The following SPATA17 variants were observed in gnomAD, a reference collection of about 807,000 sequenced individuals.
SPATA17 encodes spermatogenesis associated 17.
Under a neutral mutation model 62.2 loss-of-function variants are expected in SPATA17, and 53 were observed. The observed-to-expected ratio is 0.85, with a 90% CI of 0.68 to 1.07. SPATA17 has a LOEUF of 1.07. Ranked by LOEUF, SPATA17 falls within the 50% of genes least tolerant of loss-of-function variation. SPATA17 has a pLI of 0.00. For missense variants in SPATA17, 466 were observed against 425.5 expected (o/e 1.10, Z -0.84); for synonymous variants, 146 against 146.8 (o/e 0.99, Z 0.04).
chr1:217,869,685 A>G lies in SPATA17; in HGVS notation c.*2666A>G, dbSNP rs1398961690. The G allele has an allele frequency of 6.6e-6, 1 of 152,048 alleles. No individual in the cohort carries two copies. Among genetic ancestry groups the G allele is most frequent in the African/African-American group, 2.4e-5 (1 of 41,404 alleles). The allele number at this position is 152,048 out of a possible 1,614,324, so 9.4% of individuals were successfully genotyped here. ...TCTTAAGATCTCTATTTTAATGTTA[A>G]TGCTGGTCACTGGTGCCTGAATTCC... is the stretch of plus-strand genomic sequence containing the variant. On this transcript the variant is annotated 3_prime_UTR_variant, in exon 11 of 11. Transcript: ENST00000366933.
chr1:217,859,455 T>C (rs1044252629), intron 9 of SPATA17, among the ~76,000 whole-genome samples: 3 of 152,050 alleles, frequency 2.0e-5, no homozygotes, highest in Non-Finnish European at 4.4e-5. Flanking sequence ...TCATCCATCC[T>C]GGAGTGCAGT....
chr1:217,654,600 TTCC>T lies in SPATA17; in HGVS notation c.240+3425_240+3427del, dbSNP rs996847844. 1.5e-3 allele frequency among the ~76,000 whole-genome samples: 224 copies of T among 152,322 alleles called. 1 individual carries two copies. Among genetic ancestry groups the T allele is most frequent in the African/African-American group, 4.8e-3 (199 of 41,562 alleles). On this transcript the variant is annotated intron_variant, in intron 3 of 10. Transcript: ENST00000366933. ...CAAGTGAAAAAATTTGCATTATTATTTCCTCTTCTCTGTATACATTTTTCTCTA... is the reference window on the plus strand; with the variant it reads ...CAAGTGAAAAAATTTGCATTATTATTTCTTCTCTGTATACATTTTTCTCTA...
At position 217,866,303 on chromosome 1, in the gene SPATA17, T is replaced by C. The variant is rs558558045; in HGVS notation, c.*3-719T>C. Among the ~76,000 whole-genome samples the C allele has an allele frequency of 1.1e-4, 16 of 152,310 alleles. No homozygotes were observed. The East Asian group carries it at 1.9e-3, about 18-fold the overall frequency. On this transcript the variant is annotated intron_variant, in intron 10 of 10. Transcript: ENST00000366933. Reference sequence around the variant, plus strand: ...CTTCAGCATCCTTCTCTTGGTTAAATTGTCTTTGACTAAAAATATTATAAC... The same window carrying C: ...CTTCAGCATCCTTCTCTTGGTTAAACTGTCTTTGACTAAAAATATTATAAC...
chr1:217,845,223 A>G (rs1675496009), intron 9 of SPATA17, among the ~76,000 whole-genome samples: 1 of 152,042 alleles, frequency 6.6e-6, no homozygotes, highest in Non-Finnish European at 1.5e-5. Flanking sequence ...GTCTTTTAAC[A>G]TGTGGACCAA....
intron 5 of SPATA17, among the ~76,000 whole-genome samples, chr1:217,705,429 TC>T (rs1311287129): frequency 1.7e-5 from 2 of 118,670 alleles, no homozygotes; most frequent in Admixed American, 9.3e-5. Flanking sequence ...ATTCTAGTTG[TC>T]TTTTTTTTTT....
chr1:217,646,504 A>G (rs1670184132), intron 1 of SPATA17, among the ~76,000 whole-genome samples: 1 of 151,760 alleles, frequency 6.6e-6, no homozygotes, highest in Non-Finnish European at 1.5e-5. Context: ...GATTACATGA[A>G]TTTTTTTTGC....
rs1054886342 is a variant in SPATA17 at position 217,868,164 on chromosome 1, A to G, written c.*1145A>G. On this transcript the variant is annotated 3_prime_UTR_variant, in exon 11 of 11. Transcript: ENST00000366933. The stretch of plus-strand genomic sequence containing the variant: ...TCTTTTGAAACAATTGGAAGTTTGA[A>G]CACTGATTGGATATTGGTGGTATAA... The G allele has an allele frequency of 2.0e-5, 3 of 152,222 alleles. No homozygotes were observed. The highest frequency in any genetic ancestry group is 2.4e-5 in the African/African-American group (1 of 41,448). The allele number at this position is 152,222 out of a possible 1,614,324, so 9.4% of individuals were successfully genotyped here. A position where few individuals can be genotyped will look rare whatever the true frequency, so the allele number is the denominator to read the frequency against.
At chr1:217,696,191 C>T (rs897315532) in intron 5 of SPATA17, among the ~76,000 whole-genome samples, 1 of 152,226 alleles carries the variant, frequency 6.6e-6, no homozygotes, top group African/African-American at 2.4e-5. Flanking sequence ...GATATAGTCT[C>T]GTGGTGCACC....
chr1:217,636,081 C>T (rs995476111), intron 1 of SPATA17, among the ~76,000 whole-genome samples: 2 of 128,356 alleles, frequency 1.6e-5, no homozygotes, highest in Non-Finnish European at 3.1e-5. Flanking sequence ...TGCAGTGAGC[C>T]GAGATCGTGC....
chr1:217,708,364 G>T (rs1263941560), intron 5 of SPATA17, among the ~76,000 whole-genome samples: 1 of 151,938 alleles, frequency 6.6e-6, no homozygotes, highest in Non-Finnish European at 1.5e-5. Context: ...ATTACAAAGG[G>T]AATATTATGA....
chr1:217,810,710 G>A (rs554448219), intron 9 of SPATA17, among the ~76,000 whole-genome samples: 4 of 152,208 alleles, frequency 2.6e-5, no homozygotes, highest in South Asian at 4.2e-4. Context: ...CTGCATGGCC[G>A]GGGAAGCCTC....
intron 4 of SPATA17, among the ~76,000 whole-genome samples, chr1:217,680,401 A>G (rs893882461): frequency 1.6e-4 from 24 of 152,150 alleles, no homozygotes; most frequent in African/African-American, 5.8e-4. Context: ...ACATATTCCA[A>G]TTGATTCTTC....
chr1:217,834,946 T>C (rs1429696182), intron 9 of SPATA17, among the ~76,000 whole-genome samples: 2 of 152,144 alleles, frequency 1.3e-5, no homozygotes, highest in Non-Finnish European at 1.5e-5. Flanking sequence ...CTTTTATATG[T>C]TTAGATACAT....
chr1:217,656,699 C>T (rs573979741), intron 3 of SPATA17, among the ~76,000 whole-genome samples: 15 of 152,066 alleles, frequency 9.9e-5, no homozygotes, highest in Admixed American at 3.3e-4. Flanking sequence ...TTCTTGATTG[C>T]CTAGTGAAAG....
intron 3 of SPATA17, among the ~76,000 whole-genome samples, chr1:217,653,104 A>G (rs1256435293): frequency 1.3e-5 from 2 of 152,132 alleles, no homozygotes; most frequent in African/African-American, 4.8e-5. Flanking sequence ...CATTTCTCTC[A>G]CTTATGCATA....
intron 6 of SPATA17, among the ~76,000 whole-genome samples, chr1:217,768,349 A>G (rs566971527): frequency 2.0e-5 from 3 of 152,328 alleles, no homozygotes; most frequent in African/African-American, 4.8e-5. Context: ...TTACAAGCTC[A>G]TCGCTAACAA....
At chr1:217,862,439 A>T (rs188359129) in intron 9 of SPATA17, among the ~76,000 whole-genome samples, 189 of 152,308 alleles carry the variant, frequency 1.2e-3, no homozygotes, top group Middle Eastern at 0.01. Flanking sequence ...TATGCAGAAA[A>T]CAAAGTACCA....
intron 5 of SPATA17, among the ~76,000 whole-genome samples, chr1:217,718,348 A>G (rs2102932058): frequency 6.6e-6 from 1 of 152,234 alleles, no homozygotes; most frequent in East Asian, 1.9e-4. Flanking sequence ...AAAGGTAAGA[A>G]CTCTGATTAA....
intron 6 of SPATA17, among the ~76,000 whole-genome samples, chr1:217,753,459 T>C (rs1364219374): frequency 6.6e-6 from 1 of 152,162 alleles, no homozygotes; most frequent in Non-Finnish European, 1.5e-5. Context: ...CTTTAGTTCT[T>C]TCTCTTTTTT....
Sources: gnomAD v4.1 joint callset for allele counts (sites outside exome capture counted in the v4.1 genomes callset) on GRCh38, gnomAD v4.1.1 for gene constraint, MANE v1.5 for transcripts, NCBI Gene and HGNC (gene_info 2026-07-23, HGNC 2026-07-21) for gene names.